Variants in WNT4 observed in about 807,000 individuals in gnomAD.
The protein encoded by WNT4 is protein Wnt-4.
A neutral mutation model predicts 34.5 loss-of-function variants in WNT4; 16 were observed. That is an observed-to-expected ratio of 0.46 (90% CI 0.31 to 0.70). The LOEUF (loss-of-function observed/expected upper bound fraction) is 0.70. WNT4 is among the 30% of genes least tolerant of loss of function. The pLI is 0.04. For synonymous variants in WNT4, 200 were observed against 211.9 expected (o/e 0.94, Z 0.49); for missense variants, 379 against 495.9 (o/e 0.76, Z 2.24).
intron 2 of WNT4, among the ~76,000 whole-genome samples, chr1:22,126,652 G>A (rs978065839): frequency 6.6e-6 from 1 of 152,150 alleles, no homozygotes; most frequent in Admixed American, 6.5e-5. Flanking sequence ...CATGTCTGAC[G>A]CCACAACCCA....
chr1:22,136,903 A>G (rs759478817), intron 1 of WNT4, among the ~76,000 whole-genome samples: 7 of 152,158 alleles, frequency 4.6e-5, no homozygotes, highest in Admixed American at 3.9e-4. Flanking sequence ...AGGAGGGGCT[A>G]TTCTGCTGTC....
At position 22,140,337 on chromosome 1, in the gene WNT4, C is replaced by T. The variant is rs1339163660; in HGVS notation, c.77+2509G>A. ...TGACTTGGGCAGTTACCTCTGCGAT[C>T]CCCAATCTTCTCATCTGTAACGGGA... is the stretch of plus-strand genomic sequence containing the variant. On this transcript the variant is annotated intron_variant, in intron 1 of 4. Coordinates refer to ENST00000290167, the MANE Select transcript of WNT4 (RefSeq NM_030761.5). The surrounding 1 kb of genome is among the most constrained non-coding windows in gnomAD (Gnocchi z 5.9). 1.1e-6 allele frequency: 1 copy of T among 888,498 alleles called. No homozygotes were observed. The highest frequency in any genetic ancestry group is 1.8e-5 in the African/African-American group (1 of 55,384). 55.0% of individuals were successfully genotyped at this position (888,498 alleles called of 1,614,324 possible).
At position 22,139,099 on chromosome 1, in the gene WNT4, G is replaced by A. The variant is rs1646045347; in HGVS notation, c.77+3747C>T. ...GCCCTTGTTGAGCAAGGGGGTTGCA[G>A]CCTAGGATCCTACCTGTGTTAAATC... On this transcript the variant is annotated intron_variant, in intron 1 of 4. Coordinates refer to ENST00000290167, the MANE Select transcript of WNT4 (RefSeq NM_030761.5). The surrounding 1 kb of genome is among the most constrained non-coding windows in gnomAD (Gnocchi z 4.6). 6.6e-6 allele frequency among the ~76,000 whole-genome samples: 1 copy of A among 152,192 alleles called. No individual in the cohort carries two copies. The highest frequency in any genetic ancestry group is 2.4e-5 in the African/African-American group (1 of 41,442).
rs1646054309 is a variant in WNT4 at position 22,140,115 on chromosome 1, T to C, written c.77+2731A>G. On this transcript the variant is annotated intron_variant, in intron 1 of 4. Transcript: ENST00000290167. This position sits in a 1 kb window ranked among gnomAD's most constrained non-coding sequence, Gnocchi z 5.9. ...CAGACCCACCCTGGACTCCAGGGTA[T>C]TGGGAGGCGAGCGGAACCTAGACCT... 1 of 928,716 alleles carries C rather than the reference T, an allele frequency of 1.1e-6. No homozygotes were observed. The highest frequency in any genetic ancestry group is 1.3e-6 in the Non-Finnish European group (1 of 778,154). 57.5% of individuals were successfully genotyped at this position (928,716 alleles called of 1,614,324 possible). A position where few individuals can be genotyped will look rare whatever the true frequency, so the allele number is the denominator to read the frequency against.
chr1:22,120,169 G>A lies in WNT4; in HGVS notation c.937C>T (p.Arg313Cys). Residue 313 changes from arginine to cysteine, a missense_variant, in exon 5 of 5, where the codon CGC becomes TGC. By Grantham distance (180) the Arg-to-Cys change is radical (BLOSUM62 -3). Around this residue, in one of 2 missense-constraint regions of WNT4, gnomAD observed 313 missense variants for 445.8 expected, o/e 0.70. Transcript: ENST00000290167. ...TCCACCTGCGCCGTGTGGAAGCCGC[G>A]GCCACAGCACAGCAGCTCACAGCCG... Reference protein sequence around the residue: ...IDGCELLCCGRGFHTAQVELA... With the variant: ...IDGCELLCCGCGFHTAQVELA... The A allele has an allele frequency of 1.9e-6, 3 of 1,613,636 alleles. No individual in the cohort carries two copies. The highest frequency in any genetic ancestry group is 1.1e-5 in the South Asian group (1 of 91,084).
intron 2 of WNT4, among the ~76,000 whole-genome samples, chr1:22,125,178 C>T (rs1645931212): frequency 6.6e-6 from 1 of 152,148 alleles, no homozygotes; most frequent in Admixed American, 6.5e-5. Flanking sequence ...TAATGCCACC[C>T]CGGCAGGCCA....
rs1299982938 is a variant in WNT4 at position 22,140,744 on chromosome 1, G to A, written c.77+2102C>T. 1.3e-5 allele frequency among the ~76,000 whole-genome samples: 2 copies of A among 152,228 alleles called. No homozygotes were observed. The highest frequency in any genetic ancestry group is 6.5e-5 in the Admixed American group (1 of 15,290). On this transcript the variant is annotated intron_variant, in intron 1 of 4. Transcript: ENST00000290167. The surrounding 1 kb of genome is among the most constrained non-coding windows in gnomAD (Gnocchi z 5.9). The stretch of plus-strand genomic sequence containing the variant: ...GCCTCTTGTTCCTCTTGCCTTGGGT[G>A]GAGCAGAGAGACCCTTGGCTTGAAG...
chr1:22,119,919 T>C lies in WNT4; in HGVS notation c.*131A>G. ...TGCCTGGTTTCGGCAATAAATAACA[T>C]GAGGACCCAAAAACCAAACCAGAAC... On this transcript the variant is annotated 3_prime_UTR_variant, in exon 5 of 5. Transcript: ENST00000290167. The C allele has an allele frequency of 8.5e-7, 1 of 1,171,500 alleles. No individual in the cohort carries two copies. Among genetic ancestry groups the C allele is most frequent in the Non-Finnish European group, 1.2e-6 (1 of 834,578 alleles). The allele number at this position is 1,171,500 out of a possible 1,614,324, so 72.6% of individuals were successfully genotyped here.
At chr1:22,138,901 G>T (rs767798475) in intron 1 of WNT4, among the ~76,000 whole-genome samples, 35 of 152,220 alleles carry the variant, frequency 2.3e-4, no homozygotes, top group Admixed American at 4.6e-4. Context: ...AGGCTCAGGG[G>T]AGCTTGGCCG....
intron 4 of WNT4, among the ~76,000 whole-genome samples, chr1:22,120,775 G>A (rs899271684): frequency 1.3e-5 from 2 of 152,200 alleles, no homozygotes; most frequent in Non-Finnish European, 2.9e-5. Flanking sequence ...CCTATCAACA[G>A]TGAGTGACAG....
chr1:22,123,449 A>C (rs551715089), intron 2 of WNT4, among the ~76,000 whole-genome samples: 12 of 152,136 alleles, frequency 7.9e-5, no homozygotes, highest in Admixed American at 5.9e-4. Flanking sequence ...GAGTTTTCTC[A>C]GCTCGGGAGT....
chr1:22,126,330 ATC>A (rs1645940294), intron 2 of WNT4, among the ~76,000 whole-genome samples: 2 of 152,118 alleles, frequency 1.3e-5, no homozygotes, highest in African/African-American at 4.8e-5. Context: ...CCTAGGCATC[ATC>A]TCTCTGATCC....
chr1:22,123,910 T>C (rs559550295), intron 2 of WNT4, among the ~76,000 whole-genome samples: 2 of 152,362 alleles, frequency 1.3e-5, no homozygotes, highest in East Asian at 1.9e-4. Flanking sequence ...AGTTGGCCTC[T>C]GGGCTCAGCA....
Position 22,143,070 on chromosome 1 carries a change from G to T in WNT4, c.-148C>A. 4.8e-6 allele frequency: 1 copy of T among 207,008 alleles called. No homozygotes were observed. The highest frequency in any genetic ancestry group is 8.2e-6 in the Non-Finnish European group (1 of 121,448). 12.8% of individuals were successfully genotyped at this position (207,008 alleles called of 1,614,324 possible). A position where few individuals can be genotyped will look rare whatever the true frequency, so the allele number is the denominator to read the frequency against. On this transcript the variant is annotated 5_prime_UTR_variant, in exon 1 of 5. Transcript: ENST00000290167. Reference sequence around the variant, plus strand: ...GCCTGCCGGCAGCCTGCCCGCTGCTGCGCCCGCTGCCCGGCGCGGACCAGA... The same window carrying T: ...GCCTGCCGGCAGCCTGCCCGCTGCTTCGCCCGCTGCCCGGCGCGGACCAGA...
intron 2 of WNT4, among the ~76,000 whole-genome samples, chr1:22,127,645 T>C (rs1302120776): frequency 6.6e-6 from 1 of 152,114 alleles, no homozygotes; most frequent in Non-Finnish European, 1.5e-5. Flanking sequence ...TGTCTATATA[T>C]AGAAATAGAG....
chr1:22,128,962 C>T (rs1349923274), intron 2 of WNT4, among the ~76,000 whole-genome samples: 2 of 152,166 alleles, frequency 1.3e-5, no homozygotes, highest in Admixed American at 1.3e-4. Flanking sequence ...CCTCATGATC[C>T]GCCCGCCTGG....
intron 1 of WNT4, 61 bp from the exon 2 acceptor site, chr1:22,129,912 A>C (rs1645970293): frequency 6.3e-7 from 1 of 1,587,126 alleles, no homozygotes; most frequent in Non-Finnish European, 8.6e-7. Context: ...GCCCCGGACC[A>C]GGCCTGAGCT....
chr1:22,136,279 C>G (rs577691170), intron 1 of WNT4, among the ~76,000 whole-genome samples: 17 of 152,144 alleles, frequency 1.1e-4, no homozygotes, highest in Admixed American at 2.0e-4. Flanking sequence ...ACCTTGTCCC[C>G]CAATTTGCCA....
intron 2 of WNT4, among the ~76,000 whole-genome samples, chr1:22,124,181 G>T (rs746232357): frequency 6.6e-6 from 1 of 152,254 alleles, no homozygotes; most frequent in Non-Finnish European, 1.5e-5. Flanking sequence ...GTAGCAGCGG[G>T]GGGGTTCCCC....
Sources: gnomAD v4.1 joint callset for allele counts (sites outside exome capture counted in the v4.1 genomes callset) on GRCh38, gnomAD v4.1.1 for gene constraint, gnomAD v4.1.1 regional missense constraint, Gnocchi (gnomAD v3.1) non-coding constraint, MANE v1.5 for transcripts, NCBI Gene and HGNC (gene_info 2026-07-23, HGNC 2026-07-21) for gene names.